GPR39: variants seen among roughly 807,000 people sequenced by gnomAD.
The protein encoded by GPR39 is G protein-coupled receptor 39, also known as zinc sensing receptor.
In GPR39, 23 loss-of-function variants were observed where a neutral mutation model predicts 18.4. That is an observed-to-expected ratio of 1.25 (90% CI 0.90 to 1.77). The LOEUF (loss-of-function observed/expected upper bound fraction) is 1.77. Ranked by LOEUF, GPR39 falls within the 40% of genes most tolerant of loss-of-function variation. GPR39 has a pLI of 0.00. For missense variants in GPR39, 647 were observed against 602.4 expected, an observed-to-expected ratio of 1.07 and a Z score of -0.78; for synonymous variants, 280 against 257.9, an observed-to-expected ratio of 1.09 and a Z score of -0.82.
At chr2:132,595,682 G>A (rs1680931967) in intron 1 of GPR39, among the ~76,000 whole-genome samples, 1 of 152,104 alleles carries the variant, frequency 6.6e-6, no homozygotes, top group Non-Finnish European at 1.5e-5. Flanking sequence ...GTATCCAGAA[G>A]CATTTACCCT....
At chr2:132,610,088 G>T (rs1681213985) in intron 1 of GPR39, among the ~76,000 whole-genome samples, 1 of 152,052 alleles carries the variant, frequency 6.6e-6, no homozygotes, top group African/African-American at 2.4e-5. Flanking sequence ...CATAACTATT[G>T]CATGCATGGA....
intron 1 of GPR39, among the ~76,000 whole-genome samples, chr2:132,560,205 G>T (rs1227400273): frequency 6.6e-6 from 1 of 152,196 alleles, no homozygotes; most frequent in Non-Finnish European, 1.5e-5. Flanking sequence ...TAAGCTTTCT[G>T]CCAGGGTCTG....
At chr2:132,461,788 C>T (rs1278170157) in intron 1 of GPR39, among the ~76,000 whole-genome samples, 1 of 152,180 alleles carries the variant, frequency 6.6e-6, no homozygotes, top group Admixed American at 6.5e-5. Context: ...TGTCAAGCAC[C>T]TTGTGCCCAG....
chr2:132,495,732 A>G (rs1304092814), intron 1 of GPR39, among the ~76,000 whole-genome samples: 1 of 152,106 alleles, frequency 6.6e-6, no homozygotes, highest in African/African-American at 2.4e-5. Flanking sequence ...GAGAAATTTT[A>G]TCAGTATCTG....
At chr2:132,479,339 C>T (rs539623716) in intron 1 of GPR39, among the ~76,000 whole-genome samples, 33 of 152,162 alleles carry the variant, frequency 2.2e-4, no homozygotes, top group Non-Finnish European at 4.1e-4. Flanking sequence ...AGAAGGTAGA[C>T]TTCTGGCTGT....
chr2:132,641,190 C>A (rs1681851008), intron 1 of GPR39, among the ~76,000 whole-genome samples: 1 of 152,210 alleles, frequency 6.6e-6, no homozygotes, highest in Non-Finnish European at 1.5e-5. Flanking sequence ...ATGCAAAATA[C>A]ATCCTTGTGT....
intron 1 of GPR39, among the ~76,000 whole-genome samples, chr2:132,482,433 C>T (rs761146858): frequency 1.3e-5 from 2 of 152,082 alleles, no homozygotes; most frequent in East Asian, 1.9e-4. Context: ...GGAGTTTTCT[C>T]GAGTGAGAGA....
intron 1 of GPR39, among the ~76,000 whole-genome samples, chr2:132,569,278 CTG>C (rs1434696104): frequency 2.0e-5 from 3 of 152,086 alleles, no homozygotes; most frequent in African/African-American, 7.3e-5. Context: ...CAAGTTTTTC[CTG>C]TGGTCCCCTC....
At chr2:132,430,384 G>C (rs918309683) in intron 1 of GPR39, among the ~76,000 whole-genome samples, 24 of 152,180 alleles carry the variant, frequency 1.6e-4, no homozygotes, top group African/African-American at 5.3e-4. Flanking sequence ...GGTGGCTGGG[G>C]AGACCTTGAC....
At chr2:132,519,367 C>T (rs1387777319) in intron 1 of GPR39, among the ~76,000 whole-genome samples, 1 of 152,092 alleles carries the variant, frequency 6.6e-6, no homozygotes, top group Admixed American at 6.5e-5. Context: ...GCTTTGACAT[C>T]AAATAGGGCA....
chr2:132,459,390 C>A (rs766811445), intron 1 of GPR39, among the ~76,000 whole-genome samples: 3 of 152,196 alleles, frequency 2.0e-5, no homozygotes, highest in African/African-American at 7.2e-5. Context: ...TTTCTTTTCT[C>A]GTTCTCTCCC....
intron 1 of GPR39, among the ~76,000 whole-genome samples, chr2:132,467,898 G>T (rs141056075): frequency 1.3e-5 from 2 of 152,242 alleles, no homozygotes; most frequent in African/African-American, 4.8e-5. Context: ...AAGCCTCAGA[G>T]AATTTTCCAG....
At chr2:132,624,708 T>C (rs1470548843) in intron 1 of GPR39, among the ~76,000 whole-genome samples, 2 of 152,244 alleles carry the variant, frequency 1.3e-5, no homozygotes, top group African/African-American at 2.4e-5. Context: ...CCTTCTTCAG[T>C]GGACATATGT....
chr2:132,440,714 G>A (rs1284080585), intron 1 of GPR39, among the ~76,000 whole-genome samples: 1 of 152,018 alleles, frequency 6.6e-6, no homozygotes, highest in East Asian at 1.9e-4. Context: ...TTTAGAGAAT[G>A]TCCTAGTTTG....
intron 1 of GPR39, among the ~76,000 whole-genome samples, chr2:132,591,023 G>A (rs374074254): frequency 9.3e-5 from 14 of 150,854 alleles, no homozygotes; most frequent in South Asian, 8.5e-4. Flanking sequence ...AGGCCGAGGC[G>A]GGTGGATCAT....
At chr2:132,630,553 A>C (rs953936387) in intron 1 of GPR39, among the ~76,000 whole-genome samples, 2 of 152,210 alleles carry the variant, frequency 1.3e-5, no homozygotes, top group Non-Finnish European at 2.9e-5. Flanking sequence ...ATAACAAGCC[A>C]TCGAAAGGTT....
intron 1 of GPR39, among the ~76,000 whole-genome samples, chr2:132,520,831 C>T (rs1679412106): frequency 6.6e-6 from 1 of 152,168 alleles, no homozygotes; most frequent in African/African-American, 2.4e-5. Context: ...GCTCTTCCAG[C>T]CCAGCCTCAA....
chr2:132,497,629 A>C (rs1356494444), intron 1 of GPR39, among the ~76,000 whole-genome samples: 3 of 152,174 alleles, frequency 2.0e-5, no homozygotes, highest in African/African-American at 7.2e-5. Context: ...AGTCATAATT[A>C]TTTCCCACTT....
chr2:132,589,621 G>A (rs1024807331), intron 1 of GPR39, among the ~76,000 whole-genome samples: 3 of 152,156 alleles, frequency 2.0e-5, no homozygotes, highest in Non-Finnish European at 4.4e-5. Context: ...TCTATGCTTG[G>A]ACACAGCTAG....
Sources: gnomAD v4.1 joint callset for allele counts (sites outside exome capture counted in the v4.1 genomes callset) on GRCh38, gnomAD v4.1.1 for gene constraint, MANE v1.5 for transcripts, NCBI Gene and HGNC (gene_info 2026-07-23, HGNC 2026-07-21) for gene names.